The following ANP32A variants were observed in gnomAD, a reference collection of about 807,000 sequenced individuals.
ANP32A encodes the protein acidic leucine-rich nuclear phosphoprotein 32 family member A.
In ANP32A, 1 loss-of-function variant was observed where a neutral mutation model predicts 33.9. The ratio of observed to expected loss-of-function variants is 0.03; its 90% CI spans 0.01 to 0.14. The LOEUF is 0.14. Ranked by LOEUF, ANP32A falls within the 10% of genes least tolerant of loss-of-function variation. ANP32A has a pLI of 1.00. For missense variants in ANP32A, 155 were observed against 306.0 expected (o/e 0.51, Z 3.68); for synonymous variants, 115 against 120.5 (o/e 0.95, Z 0.30).
At chr15:68,799,260 T>C (rs773228205) in intron 1 of ANP32A, among the ~76,000 whole-genome samples, 1 of 152,010 alleles carries the variant, frequency 6.6e-6, no homozygotes, top group African/African-American at 2.4e-5. Context: ...GAGGGGCTGC[T>C]GGAAGGAAGG....
chr15:68,802,988 C>A (rs1187367220), intron 1 of ANP32A, among the ~76,000 whole-genome samples: 1 of 152,138 alleles, frequency 6.6e-6, no homozygotes, highest in East Asian at 1.9e-4. Flanking sequence ...AGTTACTTAA[C>A]CTCCATTCAT....
At chr15:68,784,852 ACACTTTTATTCTGCAAT>A (rs968854084) in intron 3 of ANP32A, among the ~76,000 whole-genome samples, 1 of 152,078 alleles carries the variant, frequency 6.6e-6, no homozygotes, top group Non-Finnish European at 1.5e-5. Context: ...TCCAATGTTA[ACACTTTTATTCTGCAAT>A]TACAGCTTCT....
intron 1 of ANP32A, among the ~76,000 whole-genome samples, chr15:68,814,944 C>T (rs1043025067): frequency 1.1e-4 from 16 of 152,134 alleles, no homozygotes; most frequent in African/African-American, 3.9e-4. Context: ...TAAGAGTGAC[C>T]ATTCAACTAC....
At chr15:68,798,574 C>T (rs1050910871) in intron 1 of ANP32A, among the ~76,000 whole-genome samples, 5 of 152,202 alleles carry the variant, frequency 3.3e-5, no homozygotes, top group African/African-American at 9.6e-5. Flanking sequence ...ACTGTAGAAT[C>T]GAACCTTAGG....
chr15:68,783,286 G>A (rs1323637778), intron 4 of ANP32A, among the ~76,000 whole-genome samples: 1 of 152,070 alleles, frequency 6.6e-6, no homozygotes, highest in Non-Finnish European at 1.5e-5. Flanking sequence ...GCATGTGAAA[G>A]GCCCCTTCTG....
At chr15:68,791,669 A>C (rs965190871) in intron 1 of ANP32A, 2 of 152,708 alleles carry the variant, frequency 1.3e-5, no homozygotes, top group African/African-American at 4.8e-5. Flanking sequence ...ATCGTTTTAA[A>C]GGTGGTGTCT....
chr15:68,787,647 AT>A, intron 2 of ANP32A, 112 bp from the exon 3 acceptor site: 1 of 1,595,050 alleles, frequency 6.3e-7, no homozygotes, highest in African/African-American at 1.3e-5. Context: ...GTCTCAGGCA[AT>A]TGTCTGGCAT....
At position 68,783,016 on chromosome 15, in the gene ANP32A, G is replaced by A. The variant is rs536312245; in HGVS notation, c.564C>T (p.Asp188=). 111 of 1,551,276 alleles carry A rather than the reference G, an allele frequency of 7.2e-5. No homozygotes were observed. Among genetic ancestry groups the A allele is most frequent in the African/African-American group, 1.8e-4 (13 of 73,082 alleles). Residue 188 remains aspartate, a synonymous_variant, in exon 5 of 7, where the codon GAC becomes GAT. Transcript: ENST00000465139. The stretch of plus-strand genomic sequence containing the variant: ...CCTCCTCCTCATCCTCGTCCTCCTC[G>A]TCTTCCACTACCTGAGCATCTTCAT... ...EYDEDAQVVE[D]EEDEDEEEEG...
chr15:68,801,879 T>G (rs1894141743), intron 1 of ANP32A: 1 of 154,656 alleles, frequency 6.5e-6, no homozygotes, highest in Non-Finnish European at 1.5e-5. Context: ...GAACAAGGCC[T>G]GACTCCTCTG....
At chr15:68,820,641 C>CAG (rs921491302) in intron 1 of ANP32A, 57 bp downstream of exon 1, 1 of 1,485,124 alleles carries the variant, frequency 6.7e-7, no homozygotes, top group East Asian at 2.5e-5. Context: ...CGCACACACA[C>CAG]ACACACACAC....
At chr15:68,803,158 C>T (rs2958403) in intron 1 of ANP32A, among the ~76,000 whole-genome samples, 64,274 of 151,990 alleles carry the variant, frequency 0.42, 13,945 homozygotes, top group Middle Eastern at 0.55. Flanking sequence ...CAGTGTGCCC[C>T]GGAAGCCATC....
chr15:68,792,318 T>TA (rs1894008029), intron 1 of ANP32A: 1 of 152,168 alleles, frequency 6.6e-6, no homozygotes, highest in Non-Finnish European at 1.5e-5. Flanking sequence ...TCAGAAGCTT[T>TA]TCCAACACCC....
Position 68,787,676 on chromosome 15 carries a change from G to T in ANP32A, c.204+94C>A, listed in dbSNP as rs1893949948. Reference sequence around the variant, plus strand: ...TCTGGCATGTTGGTGCAAGCACCCGGCTTTCCCTTCAATTACTCTTTCTAA... The same window carrying T: ...TCTGGCATGTTGGTGCAAGCACCCGTCTTTCCCTTCAATTACTCTTTCTAA... On this transcript the variant is annotated intron_variant, in intron 2 of 6. Transcript: ENST00000465139. 14 of 1,593,524 alleles carry T rather than the reference G, an allele frequency of 8.8e-6. No homozygotes were observed. In the South Asian group the frequency reaches 1.3e-4, roughly 15 times the overall value.
At chr15:68,807,432 G>T (rs796947759) in intron 1 of ANP32A, among the ~76,000 whole-genome samples, 16,231 of 148,696 alleles carry the variant, frequency 0.11, 1,969 homozygotes, top group African/African-American at 0.28. Context: ...GAAAACGGGG[G>T]GGGGGGAGTC....
intron 1 of ANP32A, among the ~76,000 whole-genome samples, chr15:68,809,657 A>G (rs1453937635): frequency 1.3e-5 from 2 of 152,178 alleles, no homozygotes; most frequent in Non-Finnish European, 2.9e-5. Flanking sequence ...ACCCACCCAG[A>G]GCAACTCCAT....
At position 68,784,455 on chromosome 15, in the gene ANP32A, A is replaced by C; in HGVS notation, c.468T>G (p.Pro156=). Residue 156 remains proline, a synonymous_variant, in exon 4 of 7, where the codon CCT becomes CCG. Transcript: ENST00000465139. ...CCACGTAGCCCTCAGCATCCGAGTC[A>C]GGGGCCTCCTTGTCGTCCCGGTCAT... ...DGYDRDDKEA[P]DSDAEGYVEG... is the part of the protein sequence containing the mutation. 6.2e-7 allele frequency: 1 copy of C among 1,614,112 alleles called. No individual in the cohort carries two copies. Among genetic ancestry groups the C allele is most frequent in the Non-Finnish European group, 8.5e-7 (1 of 1,180,036 alleles).
intron 1 of ANP32A, among the ~76,000 whole-genome samples, chr15:68,802,819 A>ATTTTTTTTTTTTTTTTTTTTTT (rs1228755138): frequency 9.2e-5 from 14 of 151,886 alleles, no homozygotes; most frequent in South Asian, 2.1e-4. Flanking sequence ...TGCCCGGCTA[A>ATTTTTTTTTTTTTTTTTTTTTT]TTTTTTATAT....
chr15:68,816,539 A>C (rs940801672), intron 1 of ANP32A, among the ~76,000 whole-genome samples: 2 of 152,204 alleles, frequency 1.3e-5, no homozygotes, highest in African/African-American at 4.8e-5. Context: ...ACCATGGAGG[A>C]GCTCAAAGTA....
At chr15:68,781,272 T>G (rs1156926879) in intron 5 of ANP32A, 1 of 151,972 alleles carries the variant, frequency 6.6e-6, no homozygotes, top group Non-Finnish European at 1.5e-5. Flanking sequence ...AGGTTCTGGT[T>G]TTTTTTTGCA....
Sources: allele counts gnomAD v4.1 joint callset (sites outside exome capture counted in the v4.1 genomes callset), GRCh38; gene constraint gnomAD v4.1.1; transcripts MANE v1.5; gene names NCBI Gene and HGNC (gene_info 2026-07-23, HGNC 2026-07-21).